Variants in ELP3 observed in about 807,000 individuals in gnomAD.
ELP3 encodes the protein elongator complex protein 3.
ELP3 carries 56 observed loss-of-function variants against 74.9 expected under a neutral mutation model. The ratio of observed to expected loss-of-function variants is 0.75; its 90% CI spans 0.60 to 0.93. The LOEUF is 0.93. Among genes scored for constraint, ELP3 ranks in the 40% least tolerant of loss-of-function variants. ELP3 has a pLI of 0.00. For missense variants in ELP3, 573 were observed against 686.5 expected (o/e 0.83, Z 1.85); for synonymous variants, 222 against 239.8 (o/e 0.93, Z 0.68).
rs1175996968 is a variant in ELP3, at chr8:28,132,422, C to T, written c.906+18C>T. On this transcript the variant is annotated intron_variant, in intron 9 of 14. Coordinates refer to ENST00000256398, the MANE Select transcript of ELP3 (RefSeq NM_018091.6). ...AGTTCACAGTAAGTGTGACTTCAGC[C>T]AGGCGCATTCAGAATGGCTCTGCAT... is the stretch of plus-strand genomic sequence containing the variant. 1.2e-6 allele frequency: 2 copies of T among 1,613,912 alleles called. No individual in the cohort carries two copies.
chr8:28,097,365 C>G (rs200551475), intron 2 of ELP3, 47 bp downstream of exon 2: 210 of 1,317,060 alleles, frequency 1.6e-4, no homozygotes, highest in Non-Finnish European at 7.6e-6. Flanking sequence ...GGTAGCAGAT[C>G]TCTTTTATGA....
chr8:28,110,290 T>TC lies in ELP3; in HGVS notation c.394-80_394-79insC. 3 of 1,257,498 alleles carry TC rather than the reference T, an allele frequency of 2.4e-6. No individual in the cohort carries two copies. In the South Asian group the frequency reaches 3.8e-5, roughly 16 times the overall value. The allele number at this position is 1,257,498 out of a possible 1,614,324, so 77.9% of individuals were successfully genotyped here. Reference sequence around the variant, plus strand: ...TTTCAGTGTTCGGAACCATGGAGAGTTTTTTTTAAAATACAGTCCTTTTGA... The same window carrying TC: ...TTTCAGTGTTCGGAACCATGGAGAGTCTTTTTTTAAAATACAGTCCTTTTGA... On this transcript the variant is annotated intron_variant, in intron 5 of 14. Transcript: ENST00000256398.
In ELP3 at chr8:28,158,771, G is replaced by A. The variant is rs117203723; in HGVS notation, c.1257+138G>A. On this transcript the variant is annotated intron_variant, in intron 12 of 14. Transcript: ENST00000256398. ...AGAGACTAATCGAGGATTAGATACC[G>A]GTGTCAAACCGTGAAAGCCAAATAC... is the stretch of plus-strand genomic sequence containing the variant. 2.0e-3 allele frequency: 1,362 copies of A among 698,418 alleles called. 21 individuals are homozygous for A. The East Asian group carries it at 0.027, about 14-fold the overall frequency. The allele number at this position is 698,418 out of a possible 1,614,324, so 43.3% of individuals were successfully genotyped here.
chr8:28,122,086 T>C (rs1383777844), intron 7 of ELP3, among the ~76,000 whole-genome samples: 1 of 152,260 alleles, frequency 6.6e-6, no homozygotes, highest in African/African-American at 2.4e-5. Context: ...TTTCCTCCTT[T>C]ATTTGGTAAT....
rs564920195 is a variant in ELP3, at chr8:28,144,462, T to C, written c.1100+6571T>C. Among the ~76,000 whole-genome samples, 8 of 151,876 alleles carry C rather than the reference T, an allele frequency of 5.3e-5. No homozygotes were observed. In the South Asian group the frequency reaches 6.2e-4, roughly 12 times the overall value. On this transcript the variant is annotated intron_variant, in intron 10 of 14. Coordinates refer to ENST00000256398, the MANE Select transcript of ELP3 (RefSeq NM_018091.6). ...TCATCTCTACCAATAAATAAAAACA[T>C]TTTAAAAATTAGCCAGATGAGGTGG...
intron 3 of ELP3, among the ~76,000 whole-genome samples, chr8:28,101,407 G>A (rs1270419665): frequency 6.6e-6 from 1 of 152,004 alleles, no homozygotes; most frequent in Non-Finnish European, 1.5e-5. Context: ...GCGAAAAAGC[G>A]AGACTCCATC....
intron 14 of ELP3, among the ~76,000 whole-genome samples, chr8:28,179,791 C>A (rs1370698396): frequency 6.6e-6 from 1 of 152,088 alleles, no homozygotes; most frequent in Non-Finnish European, 1.5e-5. Context: ...CACTGCTGAC[C>A]TGACAGGAGG....
intron 14 of ELP3, among the ~76,000 whole-genome samples, chr8:28,165,824 A>T (rs558866363): frequency 6.6e-6 from 1 of 152,290 alleles, no homozygotes; most frequent in East Asian, 1.9e-4. Context: ...TTTAAAAACA[A>T]ATTGGTTTTT....
At chr8:28,188,707 T>TATC (rs1231748210) in intron 14 of ELP3, among the ~76,000 whole-genome samples, 2 of 152,222 alleles carry the variant, frequency 1.3e-5, no homozygotes, top group African/African-American at 4.8e-5. Context: ...TTGTATCTTT[T>TATC]ATCATATCCT....
rs562781244 is a variant in ELP3, at chr8:28,138,992, T to C, written c.1100+1101T>C. 2.0e-5 allele frequency among the ~76,000 whole-genome samples: 3 copies of C among 152,214 alleles called. No individual in the cohort carries two copies. In the South Asian group the frequency reaches 6.2e-4, roughly 32 times the overall value. ...CTGAAGCAATTCAGTCCAAAGGACA[T>C]TAGGTGGTGCGGAGCAGTGTAGGTA... On this transcript the variant is annotated intron_variant, in intron 10 of 14. Coordinates refer to ENST00000256398, the MANE Select transcript of ELP3 (RefSeq NM_018091.6).
chr8:28,144,326 T>C (rs1462946199), intron 10 of ELP3, among the ~76,000 whole-genome samples: 1 of 152,186 alleles, frequency 6.6e-6, no homozygotes, highest in African/African-American at 2.4e-5. Flanking sequence ...AACCTTAAAT[T>C]CGGCCAGGCA....
intron 14 of ELP3, among the ~76,000 whole-genome samples, chr8:28,179,120 G>A (rs1025511290): frequency 6.6e-6 from 1 of 152,194 alleles, no homozygotes; most frequent in Non-Finnish European, 1.5e-5. Flanking sequence ...TTTCATAGAC[G>A]CAGCTTCTGC....
chr8:28,110,474 G>A lies in ELP3; in HGVS notation c.462+36G>A, dbSNP rs534271607. 71 of 1,511,202 alleles carry A rather than the reference G, an allele frequency of 4.7e-5. No homozygotes were observed. In the African/African-American group the frequency reaches 7.4e-4, roughly 16 times the overall value. 93.6% of individuals were successfully genotyped at this position (1,511,202 alleles called of 1,614,324 possible). A position where few individuals can be genotyped will look rare whatever the true frequency, so the allele number is the denominator to read the frequency against. On this transcript the variant is annotated intron_variant, in intron 6 of 14. Coordinates refer to ENST00000256398, the MANE Select transcript of ELP3 (RefSeq NM_018091.6). ...AAAAAACATGTTTCTTAAAAATTAG[G>A]TGTTTATACTTAGTAAGAAGCCATT...
chr8:28,099,931 A>C lies in ELP3; in HGVS notation c.223A>C (p.Lys75Gln). 1 of 1,614,176 alleles carries C rather than the reference A, an allele frequency of 6.2e-7. No homozygotes were observed. ...TCAGTATCGCAAGGTCTTGATGCCCAAGTTAAAGGCGAAACCCATCAGAAC... is the reference window on the plus strand; with the variant it reads ...TCAGTATCGCAAGGTCTTGATGCCCCAGTTAAAGGCGAAACCCATCAGAAC... The part of the protein sequence containing the change: ...PPQYRKVLMP[K>Q]LKAKPIRTAS... The change falls in exon 3 of 15, where the codon AAG (lysine) becomes CAG (glutamine). Residue 75 changes from lysine (K) to glutamine (Q), a missense_variant. Transcript: ENST00000256398.
intron 14 of ELP3, among the ~76,000 whole-genome samples, chr8:28,185,735 T>C (rs1475688551): frequency 6.6e-6 from 1 of 152,132 alleles, no homozygotes; most frequent in East Asian, 1.9e-4. Context: ...GCCCGCGTGG[T>C]GATGCTGGGC....
intron 3 of ELP3, among the ~76,000 whole-genome samples, chr8:28,103,027 G>C (rs1182843196): frequency 6.6e-6 from 1 of 152,080 alleles, no homozygotes; most frequent in African/African-American, 2.4e-5. Context: ...AAAATTAGCC[G>C]GGCATGGTGG....
At chr8:28,161,302 G>A (rs890285687) in intron 13 of ELP3, among the ~76,000 whole-genome samples, 2 of 152,028 alleles carry the variant, frequency 1.3e-5, no homozygotes, top group Non-Finnish European at 2.9e-5. Context: ...GGCCGGGAGT[G>A]GTGGCTCACG....
At chr8:28,173,561 T>G (rs556076886) in intron 14 of ELP3, among the ~76,000 whole-genome samples, 2 of 151,854 alleles carry the variant, frequency 1.3e-5, no homozygotes, top group Non-Finnish European at 2.9e-5. Flanking sequence ...TGATTTTTTT[T>G]TTTAATTCTC....
At chr8:28,152,909 T>A (rs1813697113) in intron 10 of ELP3, among the ~76,000 whole-genome samples, 1 of 152,236 alleles carries the variant, frequency 6.6e-6, no homozygotes, top group Admixed American at 6.5e-5. Flanking sequence ...CTATGATCCA[T>A]TTTGAGTAAA....
Sources: allele counts gnomAD v4.1 joint callset (sites outside exome capture counted in the v4.1 genomes callset), GRCh38; gene constraint gnomAD v4.1.1; transcripts MANE v1.5; gene names NCBI Gene and HGNC (gene_info 2026-07-23, HGNC 2026-07-21).